The following TIAM1 variants were observed in gnomAD, a reference collection of about 807,000 sequenced individuals.
TIAM1 encodes rho guanine nucleotide exchange factor TIAM1.
TIAM1 carries 65 observed loss-of-function variants against 163.5 expected under a neutral mutation model. The ratio of observed to expected loss-of-function variants is 0.40; its 90% confidence interval spans 0.33 to 0.49. The LOEUF is 0.49. TIAM1 is among the 20% of genes least tolerant of loss of function. The probability of loss-of-function intolerance (pLI) is 0.77; values close to 1 mark genes in which losing one functional copy is unlikely to be tolerated. For missense variants in TIAM1, 1,789 were observed against 2,044.7 expected, an observed-to-expected ratio of 0.87 and a Z score of 2.41; for synonymous variants, 833 against 810.1, an observed-to-expected ratio of 1.03 and a Z score of -0.48.
At chr21:31,278,583 T>C (rs1013156873) in intron 2 of TIAM1, among the ~76,000 whole-genome samples, 13 of 152,196 alleles carry the variant, frequency 8.5e-5, no homozygotes, top group African/African-American at 2.9e-4. Flanking sequence ...AAACTGCCTA[T>C]TTTGTGGAAA....
rs1180837864 is a variant in TIAM1, at chr21:31,181,778, T to C, written c.2887+643A>G. 4.6e-3 allele frequency among the ~76,000 whole-genome samples: 339 copies of C among 73,014 alleles called. 20 individuals carry two copies. Among genetic ancestry groups the C allele is most frequent in the African/African-American group, 0.016 (239 of 15,366 alleles). 47.9% of individuals were successfully genotyped at this position (73,014 alleles called of 152,430 possible). A position where few individuals can be genotyped will look rare whatever the true frequency, so the allele number is the denominator to read the frequency against. On this transcript the variant is annotated intron_variant, in intron 15 of 27. Coordinates refer to ENST00000541036, the MANE Select transcript of TIAM1 (RefSeq NM_001353694.2). ...CTTCTTTTTTTTTTTTTTTTTTTTT[T>C]TTTTTTTTTTTTTTTTTTTTTTTTT...
chr21:31,240,901 A>G lies in TIAM1; in HGVS notation c.1584+4587T>C, dbSNP rs539844172. On this transcript the variant is annotated intron_variant, in intron 6 of 27. Coordinates refer to ENST00000541036, the MANE Select transcript of TIAM1 (RefSeq NM_001353694.2). ...GTGTCCCCACCTAATCTCATCTTCA[A>G]TTGTAGTGCCCATAATTCCCACATG... is the stretch of plus-strand genomic sequence containing the variant. 1.2e-4 allele frequency among the ~76,000 whole-genome samples: 18 copies of G among 152,300 alleles called. 1 individual carries two copies. Among genetic ancestry groups the G allele is most frequent in the Admixed American group, 5.9e-4 (9 of 15,302 alleles).
chr21:31,292,516 T>A (rs1040234260), intron 2 of TIAM1, among the ~76,000 whole-genome samples: 1 of 150,766 alleles, frequency 6.6e-6, no homozygotes. Flanking sequence ...ATTACAAGCA[T>A]GCGCCACCAG....
At chr21:31,297,791 C>T (rs1380761881) in intron 2 of TIAM1, among the ~76,000 whole-genome samples, 1 of 152,140 alleles carries the variant, frequency 6.6e-6, no homozygotes, top group Non-Finnish European at 1.5e-5. Context: ...TGATATAATG[C>T]TCAGAGTTAA....
Position 31,228,246 on chromosome 21 carries a change from A to AGGATTTTTCCTTT in TIAM1, c.1585-2297_1585-2296insAAAGGAAAAATCC, listed in dbSNP as rs1569069014. Reference sequence around the variant, plus strand: ...AAAAAAAAAAAAAAAAAAAAAAAAAAAAAAAAAAAAAAAGGAAGGAAAAAA... The same window carrying AGGATTTTTCCTTT: ...AAAAAAAAAAAAAAAAAAAAAAAAAAGGATTTTTCCTTTAAAAAAAAAAAAAGGAAGGAAAAAA... On this transcript the variant is annotated intron_variant, in intron 6 of 27. Coordinates refer to ENST00000541036, the MANE Select transcript of TIAM1 (RefSeq NM_001353694.2). Among the ~76,000 whole-genome samples, 158 of 137,212 alleles carry AGGATTTTTCCTTT rather than the reference A, an allele frequency of 1.2e-3. 1 individual carries two copies. Among genetic ancestry groups the AGGATTTTTCCTTT allele is most frequent in the African/African-American group, 4.3e-3 (153 of 35,504 alleles). The allele number at this position is 137,212 out of a possible 152,430, so 90.0% of individuals were successfully genotyped here. A position where few individuals can be genotyped will look rare whatever the true frequency, so the allele number is the denominator to read the frequency against.
At position 31,473,768 on chromosome 21, in the gene TIAM1, C is replaced by T. The variant is rs773593989; in HGVS notation, c.-421-9733G>A. Among the ~76,000 whole-genome samples the T allele has an allele frequency of 2.0e-5, 3 of 152,100 alleles. No homozygotes were observed. The East Asian group carries it at 5.8e-4, about 29-fold the overall frequency. On this transcript the variant is annotated intron_variant, in intron 1 of 28. Transcript: ENST00000286827. Reference sequence around the variant, plus strand: ...CACTAAATCAGTGGCCTCCACTGTCCGTAACAAAGTCTGAAATAAGTTCCA... The same window carrying T: ...CACTAAATCAGTGGCCTCCACTGTCTGTAACAAAGTCTGAAATAAGTTCCA...
At chr21:31,362,590 C>T (rs34362864) in intron 2 of TIAM1, among the ~76,000 whole-genome samples, 2,595 of 151,814 alleles carry the variant, frequency 0.017, 28 homozygotes, top group Non-Finnish European at 0.022. Flanking sequence ...CCTCAGCCTC[C>T]CGAGCAGCTG....
intron 8 of TIAM1, among the ~76,000 whole-genome samples, chr21:31,221,417 A>G (rs1338238433): frequency 6.6e-6 from 1 of 152,216 alleles, no homozygotes; most frequent in African/African-American, 2.4e-5. Flanking sequence ...AAAACACCTC[A>G]GAGTAACTAA....
intron 2 of TIAM1, among the ~76,000 whole-genome samples, chr21:31,316,043 A>G (rs1049800965): frequency 1.3e-5 from 2 of 152,188 alleles, no homozygotes; most frequent in African/African-American, 4.8e-5. Context: ...TCACAAAAAT[A>G]CGGCCGACTG....
At chr21:31,408,107 A>G (rs1189600695) in intron 2 of TIAM1, among the ~76,000 whole-genome samples, 1 of 152,248 alleles carries the variant, frequency 6.6e-6, no homozygotes, top group Non-Finnish European at 1.5e-5. Context: ...AACTTAGGGC[A>G]AAGACATCAG....
In TIAM1 at chr21:31,142,796, G is replaced by A. The variant is rs180847193; in HGVS notation, c.3476-1292C>T. On this transcript the variant is annotated intron_variant, in intron 20 of 27. Transcript: ENST00000541036. ...GGTGGCACCACCTGTGGGCATCCGTGGGCTCTGATCTGATGCAGCTCAGGC... is the reference window on the plus strand; with the variant it reads ...GGTGGCACCACCTGTGGGCATCCGTAGGCTCTGATCTGATGCAGCTCAGGC... Among the ~76,000 whole-genome samples, 116 of 152,190 alleles carry A rather than the reference G, an allele frequency of 7.6e-4. No homozygotes were observed. In the Middle Eastern group the frequency reaches 0.02, roughly 27 times the overall value.
At chr21:31,403,579 G>A (rs973296826) in intron 2 of TIAM1, among the ~76,000 whole-genome samples, 2 of 152,162 alleles carry the variant, frequency 1.3e-5, no homozygotes, top group African/African-American at 2.4e-5. Flanking sequence ...TACAGAACAA[G>A]GCCAGTCTGA....
chr21:31,283,008 C>T (rs927842640), intron 2 of TIAM1, among the ~76,000 whole-genome samples: 3 of 152,154 alleles, frequency 2.0e-5, no homozygotes, highest in Admixed American at 6.5e-5. Context: ...AATTTTAGAG[C>T]GGTAAATCTT....
At chr21:31,473,083 G>C (rs188245058) in intron 1 of TIAM1, among the ~76,000 whole-genome samples, 3 of 152,092 alleles carry the variant, frequency 2.0e-5, no homozygotes, top group Non-Finnish European at 1.5e-5. Flanking sequence ...GGAGTTTCAG[G>C]CATTTTCTGG....
chr21:31,419,716 A>G (rs1219346906), intron 2 of TIAM1, among the ~76,000 whole-genome samples: 1 of 152,236 alleles, frequency 6.6e-6, no homozygotes, highest in Non-Finnish European at 1.5e-5. Flanking sequence ...ACAAAAGTGG[A>G]AAACAAAATG....
At chr21:31,430,008 C>T (rs2043943594) in intron 2 of TIAM1, among the ~76,000 whole-genome samples, 1 of 151,886 alleles carries the variant, frequency 6.6e-6, no homozygotes, top group African/African-American at 2.4e-5. Flanking sequence ...GAGTTCAAGA[C>T]CAGCCTGGCC....
At chr21:31,537,444 A>C (rs1163176393) in intron 1 of TIAM1, among the ~76,000 whole-genome samples, 2 of 22,660 alleles carry the variant, frequency 8.8e-5, no homozygotes, top group East Asian at 0.042. Context: ...AGAAATCGCA[A>C]AAAAAAAAAA....
At position 31,303,633 on chromosome 21, in the gene TIAM1, A is replaced by G. The variant is rs186645640; in HGVS notation, c.-188-26725T>C. ...AATGATTTATAATTTTCAAAACAAA[A>G]AAGAACTAGACCTTTAAAAAAACAC... On this transcript the variant is annotated intron_variant, in intron 2 of 27. Coordinates refer to ENST00000541036, the MANE Select transcript of TIAM1 (RefSeq NM_001353694.2). Among the ~76,000 whole-genome samples the G allele has an allele frequency of 4.3e-3, 659 of 152,262 alleles. 4 individuals carry two copies. The highest frequency in any genetic ancestry group is 0.015 in the African/African-American group (619 of 41,552).
Position 31,149,239 on chromosome 21 carries a change from G to T in TIAM1, c.3367-2236C>A, listed in dbSNP as rs531740876. On this transcript the variant is annotated intron_variant, in intron 19 of 27. Transcript: ENST00000541036. ...GGTTGAGTATGGAAGTACCGGTTTGGTATCCTTGATCCAAAATACTTGTGA... is the reference window on the plus strand; with the variant it reads ...GGTTGAGTATGGAAGTACCGGTTTGTTATCCTTGATCCAAAATACTTGTGA... 4.6e-5 allele frequency among the ~76,000 whole-genome samples: 7 copies of T among 152,280 alleles called. No homozygotes were observed. The East Asian group carries it at 1.2e-3, about 25-fold the overall frequency.
Sources: allele counts gnomAD v4.1 joint callset (sites outside exome capture counted in the v4.1 genomes callset), GRCh38; gene constraint gnomAD v4.1.1; transcripts MANE v1.5; gene names NCBI Gene and HGNC (gene_info 2026-07-23, HGNC 2026-07-21).